MRPL4: variants seen among roughly 807,000 people sequenced by gnomAD.
MRPL4 encodes the protein mitochondrial ribosomal protein L4, also known as large ribosomal subunit protein uL4m.
A neutral mutation model predicts 34.1 loss-of-function variants in MRPL4; 34 were observed. That is an observed-to-expected ratio of 1.00 (90% CI 0.76 to 1.33). The LOEUF (loss-of-function observed/expected upper bound fraction) is 1.33, where lower values mean the gene tolerates loss of function less well. Among genes scored for constraint, MRPL4 ranks in the 40% most tolerant of loss-of-function variants. The pLI is 0.00. For synonymous variants in MRPL4, 196 were observed against 188.3 expected, an observed-to-expected ratio of 1.04 and a Z score of -0.33; for missense variants, 402 against 434.6, an observed-to-expected ratio of 0.92 and a Z score of 0.67.
chr19:10,253,742 T>C (rs2039821945), intron 3 of MRPL4, among the ~76,000 whole-genome samples: 1 of 151,050 alleles, frequency 6.6e-6, no homozygotes, highest in Admixed American at 6.6e-5. Flanking sequence ...CAGTGAGCCG[T>C]GATTATACTA....
intron 8 of MRPL4, chr19:10,259,331 C>T (rs1390330904): frequency 1.4e-6 from 2 of 1,387,042 alleles, no homozygotes; most frequent in East Asian, 5.7e-5. Flanking sequence ...CCGTCATTTG[C>T]CCTGGGTCTC....
In MRPL4 at chr19:10,252,539, C is replaced by G; in HGVS notation, c.125-12C>G. 1.2e-6 allele frequency: 2 copies of G among 1,613,120 alleles called. No individual in the cohort carries two copies. The highest frequency in any genetic ancestry group is 1.7e-6 in the Non-Finnish European group (2 of 1,179,464). On this transcript the variant is annotated splice_polypyrimidine_tract_variant and intron_variant, in intron 2 of 8. Coordinates refer to ENST00000253099, the MANE Select transcript of MRPL4 (RefSeq NM_015956.3). The stretch of plus-strand genomic sequence containing the variant: ...CCTTGACCCTAACCTCTGACCCCCG[C>G]AATCGCTCCAGGTCTCCCGGAGCCC...
chr19:10,252,182 T>G, upstream of MRPL4: 1 of 1,475,176 alleles, frequency 6.8e-7, no homozygotes, highest in Non-Finnish European at 9.0e-7. Context: ...GTCGCGTGCG[T>G]GACGTCATCC....
At position 10,252,554 on chromosome 19, in the gene MRPL4, T is replaced by C. The variant is rs2039803346; in HGVS notation, c.128T>C (p.Leu43Pro). 1.2e-6 allele frequency: 2 copies of C among 1,613,044 alleles called. No individual in the cohort carries two copies. The highest frequency in any genetic ancestry group is 1.7e-6 in the Non-Finnish European group (2 of 1,179,454). Residue 43 changes from leucine (L) to proline (P), a missense_variant, in exon 3 of 9, where the codon CTC (leucine) becomes CCC (proline). Transcript: ENST00000253099. Reference protein sequence around the residue: ...ENPEQVASEGLPEPVLRKVEL... With the variant: ...ENPEQVASEGPPEPVLRKVEL... ...CTGACCCCCGCAATCGCTCCAGGTC[T>C]CCCGGAGCCCGTGCTGCGCAAAGTC...
At position 10,252,692 on chromosome 19, in the gene MRPL4, C is replaced by T. The variant is rs774742706; in HGVS notation, c.266C>T (p.Thr89Ile). The change falls in exon 3 of 9, where the codon ACC (threonine) becomes ATC (isoleucine). Residue 89 changes from threonine (T) to isoleucine (I), a missense_variant. Coordinates refer to ENST00000253099, the MANE Select transcript of MRPL4 (RefSeq NM_015956.3). Reference sequence around the variant, plus strand: ...GACCTGCACCCCGATGTTTTCGCCACCGCGCCCAGGTGAGCGAGGGCTGTA... The same window carrying T: ...GACCTGCACCCCGATGTTTTCGCCATCGCGCCCAGGTGAGCGAGGGCTGTA... Reference protein sequence around the residue: ...LADLHPDVFATAPRLDILHQV... With the variant: ...LADLHPDVFAIAPRLDILHQV... The T allele has an allele frequency of 8.1e-6, 13 of 1,602,528 alleles. No homozygotes were observed. Among genetic ancestry groups the T allele is most frequent in the African/African-American group, 1.3e-5 (1 of 74,906 alleles).
chr19:10,256,054 G>A (rs1323214399), intron 4 of MRPL4, among the ~76,000 whole-genome samples: 5 of 152,098 alleles, frequency 3.3e-5, no homozygotes, highest in East Asian at 1.9e-4. Context: ...TTGGGAGGCC[G>A]AGGCGGATGG....
chr19:10,259,775 G>T lies in MRPL4; in HGVS notation c.898G>T (p.Ala300Ser). Residue 300 changes from alanine to serine, a missense_variant, in exon 9 of 9, where the codon GCT becomes TCT. Coordinates refer to ENST00000253099, the MANE Select transcript of MRPL4 (RefSeq NM_015956.3). The part of the protein sequence containing the change: ...YSDFPRPLPH[A>S]TQGPAATPYH... ...CGACTTCCCCCGACCCCTACCCCAC[G>T]CTACCCAGGGCCCAGCGGCCACCCC... 1 of 1,613,102 alleles carries T rather than the reference G, an allele frequency of 6.2e-7. No homozygotes were observed. Among genetic ancestry groups the T allele is most frequent in the South Asian group, 1.1e-5 (1 of 91,008 alleles).
At chr19:10,254,217 C>G (rs563523739) in intron 3 of MRPL4, among the ~76,000 whole-genome samples, 3 of 152,258 alleles carry the variant, frequency 2.0e-5, no homozygotes, top group Non-Finnish European at 4.4e-5. Context: ...CATCACTTTG[C>G]CATGTTGCCC....
At chr19:10,252,873 T>G (rs2039808674) in intron 3 of MRPL4, 172 bp downstream of exon 3, 2 of 1,005,344 alleles carry the variant, frequency 2.0e-6, no homozygotes, top group East Asian at 5.3e-5. Flanking sequence ...TAGCGCTGTG[T>G]GAGATTGAAG....
rs1195754647 is a variant in MRPL4 at position 10,259,766 on chromosome 19, C to CA, written c.889_890insA (p.Leu297HisfsTer18). 1.2e-6 allele frequency: 2 copies of CA among 1,613,978 alleles called. No homozygotes were observed. Among genetic ancestry groups the CA allele is most frequent in the Non-Finnish European group, 1.7e-6 (2 of 1,179,896 alleles). On this transcript the variant is annotated frameshift_variant, in exon 9 of 9. Coordinates refer to ENST00000253099, the MANE Select transcript of MRPL4 (RefSeq NM_015956.3). LOFTEE classifies it low-confidence loss of function (END_TRUNC). ...GCCCTACAGCGACTTCCCCCGACCCCTACCCCACGCTACCCAGGGCCCAGC... is the reference window on the plus strand; with the variant it reads ...GCCCTACAGCGACTTCCCCCGACCCCATACCCCACGCTACCCAGGGCCCAGC...
chr19:10,252,285 C>T lies in MRPL4; in HGVS notation c.32C>T (p.Ala11Val). MLQFVRAGAR[A>V]WLRPTGSQGL... is the part of the protein sequence containing the mutation. ...CAGTTCGTCCGGGCCGGGGCGCGGG[C>T]CTGGCTTCGGCCTACCGGCAGCCAG... Residue 11 changes from alanine (A) to valine (V), a missense_variant, in exon 1 of 9, where the codon GCC becomes GTC. Transcript: ENST00000253099. The T allele has an allele frequency of 6.2e-7, 1 of 1,609,134 alleles. No individual in the cohort carries two copies.
intron 4 of MRPL4, among the ~76,000 whole-genome samples, chr19:10,256,339 G>T (rs1201452291): frequency 1.3e-5 from 2 of 152,028 alleles, no homozygotes; most frequent in African/African-American, 4.8e-5. Flanking sequence ...TCAGCTACTA[G>T]GGAGGCTGAG....
chr19:10,259,895 G>A lies in MRPL4; in HGVS notation c.*82G>A. On this transcript the variant is annotated 3_prime_UTR_variant, in exon 9 of 9. Transcript: ENST00000253099. ...CCCACGCCCACCCTTCGAGGAAGGT[G>A]TCACCTGGACCCCTTCATTCCACGG... 2 of 1,291,238 alleles carry A rather than the reference G, an allele frequency of 1.5e-6. No homozygotes were observed. The highest frequency in any genetic ancestry group is 1.9e-4 in the Middle Eastern group (1 of 5,264). 80.0% of individuals were successfully genotyped at this position (1,291,238 alleles called of 1,614,324 possible). A position where few individuals can be genotyped will look rare whatever the true frequency, so the allele number is the denominator to read the frequency against.
chr19:10,252,644 A>T lies in MRPL4; in HGVS notation c.218A>T (p.Glu73Val). ...TGGGTCGAGTCCTTGCGGGGCTTCG[A>T]GCAGGAGCGCGTGGGCCTGGCCGAC... Reference protein sequence around the residue: ...QAWVESLRGFEQERVGLADLH... With the variant: ...QAWVESLRGFVQERVGLADLH... The change falls in exon 3 of 9, where the codon GAG becomes GTG. Residue 73 changes from glutamate (E) to valine (V), a missense_variant. Physicochemically the swap from Glu to Val is moderately radical, Grantham distance 121. Transcript: ENST00000253099. 6.2e-7 allele frequency: 1 copy of T among 1,609,790 alleles called. No homozygotes were observed. The highest frequency in any genetic ancestry group is 1.1e-5 in the South Asian group (1 of 91,072).
chr19:10,256,884 T>C (rs1177804885), intron 5 of MRPL4, 59 bp downstream of exon 5: 15 of 1,248,310 alleles, frequency 1.2e-5, no homozygotes, highest in Non-Finnish European at 1.6e-5. Context: ...AGGGCCTGGG[T>C]GTTTACTCAC....
Position 10,258,496 on chromosome 19 carries a change from G to A in MRPL4, c.636G>A (p.Trp212Ter). Reference sequence around the variant, plus strand: ...CAGAGCTGGCGCACTACCGCCGCTGGGGGGACTCCGTACTCCTCGTGGACT... The same window carrying A: ...CAGAGCTGGCGCACTACCGCCGCTGAGGGGACTCCGTACTCCTCGTGGACT... ...YLTELAHYRRWGDSVLLVDLT... is the reference protein window; with the variant it reads ...YLTELAHYRR Residue 212 changes from tryptophan to a stop codon, truncating the protein, a stop_gained, in exon 7 of 9, where the codon TGG becomes TGA. Coordinates refer to ENST00000253099, the MANE Select transcript of MRPL4 (RefSeq NM_015956.3). LOFTEE classifies it high-confidence loss of function. 1.2e-6 allele frequency: 2 copies of A among 1,614,092 alleles called. No homozygotes were observed. The highest frequency in any genetic ancestry group is 1.1e-5 in the South Asian group (1 of 91,074).
Position 10,252,229 on chromosome 19 carries a change from C to CCGCGGCGTGGGAGGCTG in MRPL4, c.-17_-1dup. The CCGCGGCGTGGGAGGCTG allele has an allele frequency of 6.3e-7, 1 of 1,585,420 alleles. No homozygotes were observed. Among genetic ancestry groups the CCGCGGCGTGGGAGGCTG allele is most frequent in the Non-Finnish European group, 8.6e-7 (1 of 1,168,716 alleles). On this transcript the variant is annotated 5_prime_UTR_variant, in exon 1 of 9. Transcript: ENST00000253099. ...GCGAGGCTCCAGTGGCCTTGACCTC[C>CCGCGGCGTGGGAGGCTG]CGCGGCGTGGGAGGCTGCGCGGCGA...
At chr19:10,259,133 A>T (rs1010325296) in intron 8 of MRPL4, 3 of 1,188,374 alleles carry the variant, frequency 2.5e-6, no homozygotes, top group Non-Finnish European at 3.2e-6. Flanking sequence ...AAAGCTCCAA[A>T]GTCACCTCTG....
chr19:10,257,214 T>C (rs2039860665), intron 5 of MRPL4, among the ~76,000 whole-genome samples: 1 of 152,148 alleles, frequency 6.6e-6, no homozygotes, highest in South Asian at 2.1e-4. Context: ...GACCTTGTCA[T>C]TGTGGGCCCT....
Sources: allele counts gnomAD v4.1 joint callset (sites outside exome capture counted in the v4.1 genomes callset), GRCh38; gene constraint gnomAD v4.1.1; transcripts MANE v1.5; gene names NCBI Gene and HGNC (gene_info 2026-07-23, HGNC 2026-07-21).